GLIS3: variants seen among roughly 807,000 people sequenced by gnomAD.
GLIS3 encodes the protein zinc finger protein GLIS3.
GLIS3 carries 53 observed loss-of-function variants against 78.6 expected under a neutral mutation model. The observed-to-expected ratio is 0.67, with a 90% CI of 0.54 to 0.85. The LOEUF is 0.85. Among genes scored for constraint, GLIS3 ranks in the 40% least tolerant of loss-of-function variants. The pLI is 0.00. For missense variants in GLIS3, 1,703 were observed against 1,231.1 expected (o/e 1.38, Z -5.74); for synonymous variants, 684 against 509.9 (o/e 1.34, Z -4.60).
At chr9:4,262,598 A>C (rs183941915) in intron 2 of GLIS3, among the ~76,000 whole-genome samples, 1 of 152,162 alleles carries the variant, frequency 6.6e-6, no homozygotes, top group Non-Finnish European at 1.5e-5. Flanking sequence ...CAACTTAGTA[A>C]CTATTTGAAA....
At chr9:4,174,965 A>G (rs991006097) in intron 2 of GLIS3, among the ~76,000 whole-genome samples, 3 of 152,206 alleles carry the variant, frequency 2.0e-5, no homozygotes, top group African/African-American at 7.2e-5. Context: ...CAGCTCAGAA[A>G]TAGGTCAAGG....
At chr9:4,103,183 T>A (rs933730995) in intron 4 of GLIS3, among the ~76,000 whole-genome samples, 10 of 152,182 alleles carry the variant, frequency 6.6e-5, no homozygotes, top group African/African-American at 1.7e-4. Flanking sequence ...AAAAGGTTTT[T>A]CATTTAGCTG....
At chr9:4,343,405 T>TA (rs1272983296) in intron 2 of GLIS3, among the ~76,000 whole-genome samples, 2 of 151,830 alleles carry the variant, frequency 1.3e-5, no homozygotes, top group African/African-American at 2.4e-5. Flanking sequence ...TTATAAAAGG[T>TA]AAAAAAATAA....
At chr9:4,379,566 G>C in the GLIS3 span, among the ~76,000 whole-genome samples, 1 of 152,162 alleles carries the variant, frequency 6.6e-6, no homozygotes, top group African/African-American at 2.4e-5. Flanking sequence ...TTCAGGATCT[G>C]GGAGCTAAAC....
chr9:3,830,537 T>G (rs549390009), intron 9 of GLIS3, among the ~76,000 whole-genome samples: 1 of 152,298 alleles, frequency 6.6e-6, no homozygotes, highest in South Asian at 2.1e-4. Flanking sequence ...GATAAGGAAG[T>G]CCATCTCTAA....
Position 4,246,409 on chromosome 9 carries a change from A to C in GLIS3, c.388+39629T>G, listed in dbSNP as rs574506632. ...ATTCCCAAGAATGTAGACAGGAAGT[A>C]GACTTCTCAGGATCTTGTTTAAGGT... On this transcript the variant is annotated intron_variant, in intron 2 of 10. Coordinates refer to ENST00000381971, the MANE Select transcript of GLIS3 (RefSeq NM_001042413.2). Among the ~76,000 whole-genome samples the C allele has an allele frequency of 7.2e-5, 11 of 152,344 alleles. No homozygotes were observed. The East Asian group carries it at 2.1e-3, about 29-fold the overall frequency.
chr9:4,368,721 G>A, the GLIS3 span, among the ~76,000 whole-genome samples: 22 of 152,128 alleles, frequency 1.4e-4, no homozygotes, highest in Non-Finnish European at 2.6e-4. Context: ...AAGCCACTTC[G>A]TGCCTCTGAA....
chr9:4,075,984 C>T (rs538469458), intron 4 of GLIS3, among the ~76,000 whole-genome samples: 2 of 152,270 alleles, frequency 1.3e-5, no homozygotes, highest in East Asian at 1.9e-4. Flanking sequence ...CAAAGGAACA[C>T]CTCACGAAGA....
chr9:4,317,868 C>T (rs1817464741), intron 2 of GLIS3, among the ~76,000 whole-genome samples: 1 of 152,160 alleles, frequency 6.6e-6, no homozygotes, highest in African/African-American at 2.4e-5. Flanking sequence ...AGCTGCCAAG[C>T]AGATGGAAGT....
chr9:4,321,678 T>C (rs1447284615), intron 2 of GLIS3, among the ~76,000 whole-genome samples: 1 of 139,318 alleles, frequency 7.2e-6, no homozygotes, highest in Non-Finnish European at 1.5e-5. Flanking sequence ...CCTCCAAAGG[T>C]AACTACCATC....
chr9:3,983,000 T>A (rs1441943705), intron 4 of GLIS3, among the ~76,000 whole-genome samples: 2 of 152,174 alleles, frequency 1.3e-5, no homozygotes, highest in Non-Finnish European at 2.9e-5. Context: ...AACATTCTCT[T>A]GCGCTTGTTA....
At chr9:3,976,191 C>T (rs1488415294) in intron 4 of GLIS3, among the ~76,000 whole-genome samples, 2 of 152,056 alleles carry the variant, frequency 1.3e-5, no homozygotes, top group Non-Finnish European at 2.9e-5. Context: ...GAAATGACAC[C>T]CAGTTGCCTT....
chr9:4,330,968 C>T (rs1817675840), intron 2 of GLIS3, among the ~76,000 whole-genome samples: 1 of 152,166 alleles, frequency 6.6e-6, no homozygotes, highest in Non-Finnish European at 1.5e-5. Flanking sequence ...TGGTTAGGAC[C>T]CTTTACTGGC....
chr9:4,127,224 C>T (rs1426399080), intron 2 of GLIS3, among the ~76,000 whole-genome samples: 1 of 152,104 alleles, frequency 6.6e-6, no homozygotes, highest in African/African-American at 2.4e-5. Context: ...AATTGACCTG[C>T]ACAAAATCAC....
chr9:4,097,807 T>A (rs1830077356), intron 4 of GLIS3, among the ~76,000 whole-genome samples: 1 of 152,096 alleles, frequency 6.6e-6, no homozygotes, highest in Non-Finnish European at 1.5e-5. Context: ...AGGTGCCAGA[T>A]TTGCATCATC....
chr9:4,355,822 A>G, the GLIS3 span, among the ~76,000 whole-genome samples: 35 of 152,182 alleles, frequency 2.3e-4, no homozygotes, highest in Non-Finnish European at 4.1e-4. Flanking sequence ...AGTGGTGGCA[A>G]AACACTGGAT....
intron 6 of GLIS3, 40 bp downstream of exon 6, chr9:3,932,320 A>G (rs970435652): frequency 2.0e-6 from 3 of 1,464,084 alleles, no homozygotes; most frequent in Non-Finnish European, 2.9e-6. Flanking sequence ...AATAATCTGA[A>G]CATGCTTTTC....
chr9:4,422,946 C>G, the GLIS3 span, among the ~76,000 whole-genome samples: 1 of 152,178 alleles, frequency 6.6e-6, no homozygotes, highest in South Asian at 2.1e-4. Flanking sequence ...TGTTGCCTTG[C>G]TATGCCCTGT....
At chr9:4,209,666 T>A (rs2131294662) in intron 2 of GLIS3, among the ~76,000 whole-genome samples, 1 of 152,334 alleles carries the variant, frequency 6.6e-6, no homozygotes, top group East Asian at 1.9e-4. Flanking sequence ...ATAGAATTCC[T>A]ATCATGTTCC....
Sources: gnomAD v4.1 joint callset for allele counts (sites outside exome capture counted in the v4.1 genomes callset) on GRCh38, gnomAD v4.1.1 for gene constraint, MANE v1.5 for transcripts, NCBI Gene and HGNC (gene_info 2026-07-23, HGNC 2026-07-21) for gene names.